Variants in CNTN5 observed in about 807,000 individuals in gnomAD.
CNTN5 encodes the protein contactin 5, also known as contactin-5.
CNTN5 carries 77 observed loss-of-function variants against 129.1 expected under a neutral mutation model. The observed-to-expected ratio is 0.60, with a 90% CI of 0.50 to 0.72. The LOEUF (loss-of-function observed/expected upper bound fraction) is 0.72. Among genes scored for constraint, CNTN5 ranks in the 30% least tolerant of loss-of-function variants. The pLI is 0.00. For missense variants in CNTN5, 1,478 were observed against 1,328.8 expected, an observed-to-expected ratio of 1.11 and a Z score of -1.75; for synonymous variants, 509 against 465.6, an observed-to-expected ratio of 1.09 and a Z score of -1.20.
chr11:100,279,990 G>T (rs1031988640), intron 18 of CNTN5, among the ~76,000 whole-genome samples: 2 of 147,112 alleles, frequency 1.4e-5, no homozygotes, highest in Non-Finnish European at 3.0e-5. Flanking sequence ...TATCCCATAG[G>T]TCTTGGTATG....
intron 3 of CNTN5, among the ~76,000 whole-genome samples, chr11:99,582,731 T>TG (rs1308696063): frequency 6.6e-6 from 1 of 151,608 alleles, no homozygotes; most frequent in Non-Finnish European, 1.5e-5. Context: ...TTTGTCTAAT[T>TG]TTTTTCAAAG....
chr11:99,497,907 T>C (rs1946286774), intron 2 of CNTN5, among the ~76,000 whole-genome samples: 1 of 152,182 alleles, frequency 6.6e-6, no homozygotes, highest in Admixed American at 6.5e-5. Context: ...CAGGTGAGAC[T>C]TGTTTAGGGT....
rs11219394 is a variant in CNTN5, at chr11:99,326,041, C to T, written c.-71+557C>T. Among the ~76,000 whole-genome samples, 16 of 152,290 alleles carry T rather than the reference C, an allele frequency of 1.1e-4. No homozygotes were observed. The East Asian group carries it at 2.9e-3, about 28-fold the overall frequency. ...TTTGCACAACAGCTCCGCATTCTTACATATTTACGTAACCAACAGAAATTA... is the reference window on the plus strand; with the variant it reads ...TTTGCACAACAGCTCCGCATTCTTATATATTTACGTAACCAACAGAAATTA... On this transcript the variant is annotated intron_variant, in intron 2 of 24. Coordinates refer to ENST00000524871, the MANE Select transcript of CNTN5 (RefSeq NM_014361.4).
intron 1 of CNTN5, chr11:99,049,730 T>G (rs1864351456): frequency 6.6e-6 from 1 of 152,142 alleles, no homozygotes; most frequent in African/African-American, 2.4e-5. Context: ...TCCACAGATG[T>G]GTAACCCGTA....
intron 9 of CNTN5, among the ~76,000 whole-genome samples, chr11:100,012,986 A>C (rs1460034137): frequency 6.6e-6 from 1 of 152,152 alleles, no homozygotes; most frequent in Non-Finnish European, 1.5e-5. Flanking sequence ...AGATTCAAAA[A>C]CAGGATGTAA....
chr11:99,563,229 G>A (rs900394257), intron 3 of CNTN5, among the ~76,000 whole-genome samples: 1 of 152,176 alleles, frequency 6.6e-6, no homozygotes, highest in Non-Finnish European at 1.5e-5. Context: ...TTTAATGATA[G>A]TAATAGTTAC....
At chr11:99,385,959 C>T (rs1940899937) in intron 2 of CNTN5, among the ~76,000 whole-genome samples, 1 of 152,178 alleles carries the variant, frequency 6.6e-6, no homozygotes, top group Non-Finnish European at 1.5e-5. Flanking sequence ...TTTGGAAAGA[C>T]TTAGAGAAAT....
At chr11:99,187,947 G>A (rs553043546) in intron 1 of CNTN5, among the ~76,000 whole-genome samples, 12 of 151,672 alleles carry the variant, frequency 7.9e-5, no homozygotes, top group African/African-American at 2.4e-4. Context: ...TTTCCTTCCA[G>A]TGGTTACTAT....
chr11:99,035,341 C>T (rs953163095), intron 1 of CNTN5, among the ~76,000 whole-genome samples: 47 of 151,850 alleles, frequency 3.1e-4, no homozygotes, highest in African/African-American at 1.1e-3. Context: ...CTTTCTGTCT[C>T]GTTGATCTGT....
intron 1 of CNTN5, among the ~76,000 whole-genome samples, chr11:99,188,591 T>A (rs1858472758): frequency 6.6e-6 from 1 of 151,822 alleles, no homozygotes; most frequent in South Asian, 2.1e-4. Flanking sequence ...TCCCACTATA[T>A]GAAAGGAACA....
chr11:99,741,638 T>C (rs1186772091), intron 3 of CNTN5, among the ~76,000 whole-genome samples: 1 of 152,140 alleles, frequency 6.6e-6, no homozygotes, highest in African/African-American at 2.4e-5. Context: ...GGAGACAAGT[T>C]TGCCCTAAGC....
At chr11:99,858,405 G>T (rs776531776) in intron 6 of CNTN5, among the ~76,000 whole-genome samples, 4 of 151,938 alleles carry the variant, frequency 2.6e-5, no homozygotes, top group Non-Finnish European at 4.4e-5. Context: ...ATAAAAAATT[G>T]TATAATGTCT....
chr11:99,548,268 C>A (rs1948366257), intron 2 of CNTN5, among the ~76,000 whole-genome samples: 1 of 152,078 alleles, frequency 6.6e-6, no homozygotes, highest in Non-Finnish European at 1.5e-5. Context: ...TGCTAAAAAC[C>A]TTAGACAAGT....
chr11:99,430,142 CCTT>C (rs1330144182), intron 2 of CNTN5, among the ~76,000 whole-genome samples: 2 of 151,730 alleles, frequency 1.3e-5, no homozygotes, highest in Non-Finnish European at 2.9e-5. Context: ...TTATTAGACT[CCTT>C]CTCAAGATGT....
intron 1 of CNTN5, among the ~76,000 whole-genome samples, chr11:99,109,935 T>G (rs537096675): frequency 6.6e-6 from 1 of 152,264 alleles, no homozygotes; most frequent in African/African-American, 2.4e-5. Context: ...TCAAGTTTAC[T>G]CTAAATAATG....
intron 13 of CNTN5, among the ~76,000 whole-genome samples, chr11:100,097,968 A>G (rs1486051738): frequency 1.3e-5 from 2 of 150,480 alleles, no homozygotes; most frequent in African/African-American, 2.5e-5. Context: ...TAAATCGGGG[A>G]GTTTTTTTTT....
chr11:100,021,576 T>A (rs1941150391), intron 9 of CNTN5, among the ~76,000 whole-genome samples: 1 of 152,228 alleles, frequency 6.6e-6, no homozygotes, highest in Non-Finnish European at 1.5e-5. Context: ...TGTTTATACA[T>A]GATAATATTT....
intron 6 of CNTN5, 43 bp downstream of exon 6, chr11:99,845,305 T>C: frequency 3.8e-6 from 4 of 1,047,158 alleles, no homozygotes; most frequent in Non-Finnish European, 5.3e-6. Context: ...GTATATAGTG[T>C]GTATATACAG....
At chr11:99,077,279 C>A (rs1469144640) in intron 1 of CNTN5, among the ~76,000 whole-genome samples, 1 of 146,362 alleles carries the variant, frequency 6.8e-6, no homozygotes, top group African/African-American at 2.6e-5. Flanking sequence ...GCAACAACAT[C>A]AACAACAAAA....
Sources: gnomAD v4.1 joint callset for allele counts (sites outside exome capture counted in the v4.1 genomes callset) on GRCh38, gnomAD v4.1.1 for gene constraint, MANE v1.5 for transcripts, NCBI Gene and HGNC (gene_info 2026-07-23, HGNC 2026-07-21) for gene names.